LINGO1: variants seen among roughly 807,000 people sequenced by gnomAD.
LINGO1 encodes leucine rich repeat and Ig domain containing 1, also known as leucine-rich repeat and immunoglobulin-like domain-containing nogo receptor-interacting protein 1.
A neutral mutation model predicts 37.3 loss-of-function variants in LINGO1; 11 were observed. The ratio of observed to expected loss-of-function variants is 0.29; its 90% CI spans 0.19 to 0.49. The LOEUF is 0.49. LINGO1 is among the 20% of genes least tolerant of loss of function. LINGO1 has a pLI of 0.99. For synonymous variants in LINGO1, 387 were observed against 403.0 expected (o/e 0.96, Z 0.48); for missense variants, 585 against 878.2 (o/e 0.67, Z 4.22).
intron 2 of LINGO1, among the ~76,000 whole-genome samples, chr15:77,705,672 C>T (rs1334097212): frequency 6.6e-6 from 1 of 152,234 alleles, no homozygotes; most frequent in East Asian, 1.9e-4. Context: ...TGACTTGGAG[C>T]TAATTTTTTA....
At chr15:77,726,782 G>GGAAGCAATCAACAGAGTGGA (rs1337156163) in intron 2 of LINGO1, among the ~76,000 whole-genome samples, 1 of 152,164 alleles carries the variant, frequency 6.6e-6, no homozygotes, top group East Asian at 1.9e-4. Context: ...GCTTAACAAA[G>GGAAGCAATCAACAGAGTGGA]GAAGCAATCA....
intron 3 of LINGO1, among the ~76,000 whole-genome samples, chr15:77,640,444 G>C (rs919369530): frequency 2.0e-5 from 3 of 152,208 alleles, no homozygotes; most frequent in Non-Finnish European, 4.4e-5. Flanking sequence ...CCTCTGGCAT[G>C]CTAGGCCACA....
intron 1 of LINGO1, among the ~76,000 whole-genome samples, chr15:77,804,506 G>A (rs1271551012): frequency 2.6e-5 from 4 of 152,232 alleles, no homozygotes; most frequent in African/African-American, 7.2e-5. Flanking sequence ...AGGCTGGATA[G>A]GCAGAGGTCA....
intron 1 of LINGO1, chr15:77,695,996 G>A (rs1349484691): frequency 6.6e-6 from 1 of 152,032 alleles, no homozygotes; most frequent in African/African-American, 2.4e-5. Flanking sequence ...AAGGTCACAG[G>A]CACCGGCACA....
At chr15:77,732,436 C>A (rs560224894) in intron 2 of LINGO1, among the ~76,000 whole-genome samples, 3 of 152,240 alleles carry the variant, frequency 2.0e-5, no homozygotes, top group African/African-American at 7.2e-5. Context: ...ATGAAGGTAG[C>A]GCTAGCTTGC....
rs201994200 is a variant in LINGO1, at chr15:77,627,072, GT to G, written c.6+5237del. 5.8e-3 allele frequency among the ~76,000 whole-genome samples: 882 copies of G among 152,002 alleles called. 6 individuals are homozygous for G. The highest frequency in any genetic ancestry group is 0.016 in the South Asian group (77 of 4,806). ...TTCTCTGCAGAGGGAAGTAGAGGAGGTGGCAGAGAGAGATTAATTCCCTGAA... is the reference window on the plus strand; with the variant it reads ...TTCTCTGCAGAGGGAAGTAGAGGAGGGGCAGAGAGAGATTAATTCCCTGAA... On this transcript the variant is annotated intron_variant, in intron 1 of 1. Coordinates refer to ENST00000355300, the MANE Select transcript of LINGO1 (RefSeq NM_032808.7).
chr15:77,771,889 G>C (rs554292010), intron 1 of LINGO1, among the ~76,000 whole-genome samples: 1 of 152,152 alleles, frequency 6.6e-6, no homozygotes, highest in South Asian at 2.1e-4. Context: ...CCCCGAGGTC[G>C]CCTGCCCTCA....
intron 2 of LINGO1, among the ~76,000 whole-genome samples, chr15:77,723,469 G>A (rs867676785): frequency 3.4e-4 from 52 of 152,186 alleles, no homozygotes; most frequent in African/African-American, 1.1e-3. Context: ...ACGTCTCTGC[G>A]TGCTTCTGAC....
chr15:77,811,096 C>T (rs1335641456), intron 1 of LINGO1, among the ~76,000 whole-genome samples: 1 of 149,946 alleles, frequency 6.7e-6, no homozygotes, highest in Admixed American at 6.6e-5. Context: ...CACAGCTGTC[C>T]AGACCCGATC....
chr15:77,718,608 G>A (rs777731405), intron 2 of LINGO1, among the ~76,000 whole-genome samples: 3 of 150,972 alleles, frequency 2.0e-5, no homozygotes, highest in South Asian at 4.3e-4. Context: ...AGAGATGCAC[G>A]CTGGGAGCCA....
chr15:77,750,045 A>G (rs988056812), intron 1 of LINGO1, among the ~76,000 whole-genome samples: 3 of 151,990 alleles, frequency 2.0e-5, no homozygotes, highest in African/African-American at 7.3e-5. Context: ...TGCCTGACTC[A>G]GGCTGGGCTC....
chr15:77,773,168 T>C (rs1426616511), intron 1 of LINGO1, among the ~76,000 whole-genome samples: 1 of 152,180 alleles, frequency 6.6e-6, no homozygotes, highest in Non-Finnish European at 1.5e-5. Context: ...AGCCCTATCC[T>C]ATAAGGCCTC....
chr15:77,767,519 G>C (rs577134238), intron 1 of LINGO1, among the ~76,000 whole-genome samples: 2 of 152,314 alleles, frequency 1.3e-5, no homozygotes, highest in East Asian at 3.9e-4. Flanking sequence ...GAGGGTCAAT[G>C]CAAGAGTGGT....
intron 2 of LINGO1, among the ~76,000 whole-genome samples, chr15:77,728,399 G>C (rs1017748513): frequency 6.6e-6 from 1 of 152,258 alleles, no homozygotes; most frequent in Non-Finnish European, 1.5e-5. Context: ...AGCCTCGTTC[G>C]TCTCGGCTGC....
intron 1 of LINGO1, among the ~76,000 whole-genome samples, chr15:77,818,209 G>A (rs971939160): frequency 2.0e-5 from 3 of 152,190 alleles, no homozygotes; most frequent in Non-Finnish European, 4.4e-5. Context: ...GGAGGATGAG[G>A]AACCTGCAGG....
Position 77,632,407 on chromosome 15 carries a change from C to A in LINGO1, c.-92G>T. 4.9e-6 allele frequency: 6 copies of A among 1,233,794 alleles called. 1 individual carries two copies. The East Asian group carries it at 1.9e-4, about 40-fold the overall frequency. The allele number at this position is 1,233,794 out of a possible 1,614,324, so 76.4% of individuals were successfully genotyped here. A position where few individuals can be genotyped will look rare whatever the true frequency, so the allele number is the denominator to read the frequency against. On this transcript the variant is annotated 5_prime_UTR_variant, in exon 1 of 2. Transcript: ENST00000355300. This position sits in a 1 kb window ranked among gnomAD's most constrained non-coding sequence, Gnocchi z 6.0. ...GGCCCCAGCCCCTGCCCAGCCCCCT[C>A]CTCCGTTTCCTCCTCCTCCGACACC...
At chr15:77,692,138 C>T (rs4243047) in intron 1 of LINGO1, among the ~76,000 whole-genome samples, 64,292 of 152,058 alleles carry the variant, frequency 0.42, 14,758 homozygotes, top group African/African-American at 0.62. Context: ...ACTCATCTTA[C>T]GTAAACACAT....
At chr15:77,651,644 A>C (rs1412260223) in intron 3 of LINGO1, 1 of 152,220 alleles carries the variant, frequency 6.6e-6, no homozygotes, top group African/African-American at 2.4e-5. Context: ...AAGTATGTGA[A>C]GCTAGCCTCA....
Position 77,615,780 on chromosome 15 carries a change from G to C in LINGO1, c.127C>G (p.Pro43Ala), listed in dbSNP as rs1404634675. 3 of 1,569,480 alleles carry C rather than the reference G, an allele frequency of 1.9e-6. No homozygotes were observed. Among genetic ancestry groups the C allele is most frequent in the Non-Finnish European group, 2.6e-6 (3 of 1,164,764 alleles). The change falls in exon 2 of 2, where the codon CCG becomes GCG. Residue 43 changes from proline (P) to alanine (A), a missense_variant. Pro to Ala is a conservative substitution (Grantham distance 27, BLOSUM62 -1). Coordinates refer to ENST00000355300, the MANE Select transcript of LINGO1 (RefSeq NM_032808.7). ...TGGGCGGAGCACTCGCAGCGGGGCG[G>C]GCAGCCCGTGGCCGAGCCTGACAGC... Reference protein sequence around the residue: ...SVLSGSATGCPPRCECSAQDR... With the variant: ...SVLSGSATGCAPRCECSAQDR...
Sources: allele counts gnomAD v4.1 joint callset (sites outside exome capture counted in the v4.1 genomes callset), GRCh38; gene constraint gnomAD v4.1.1; non-coding constraint Gnocchi (gnomAD v3.1); transcripts MANE v1.5; gene names NCBI Gene and HGNC (gene_info 2026-07-23, HGNC 2026-07-21).